Variants in RIC3 observed in about 807,000 individuals in gnomAD.
The protein encoded by RIC3 is RIC3 acetylcholine receptor chaperone.
RIC3 carries 28 observed loss-of-function variants against 27.3 expected under a neutral mutation model. The ratio of observed to expected loss-of-function variants is 1.02; its 90% CI spans 0.76 to 1.41. The LOEUF is 1.41. RIC3 is among the 40% of genes most tolerant of loss of function. RIC3 has a pLI of 0.00. For missense variants in RIC3, 501 were observed against 444.7 expected (o/e 1.13, Z -1.14); for synonymous variants, 184 against 160.4 (o/e 1.15, Z -1.11).
intron 1 of RIC3, among the ~76,000 whole-genome samples, chr11:8,165,793 T>G (rs867163734): frequency 0.028 from 4,224 of 150,224 alleles, 217 homozygotes; most frequent in African/African-American, 0.097. Context: ...TTTTGTTTTT[T>G]TTTTTGGCAG....
chr11:8,145,686 A>AC (rs930230030), intron 1 of RIC3, among the ~76,000 whole-genome samples: 6 of 149,304 alleles, frequency 4.0e-5, no homozygotes, highest in African/African-American at 1.5e-4. Context: ...ATTTTCTTGC[A>AC]TTTTTTTTTT....
At chr11:8,139,925 A>G in intron 2 of RIC3, 42 bp downstream of exon 2, 2 of 1,520,816 alleles carry the variant, frequency 1.3e-6, no homozygotes, top group Non-Finnish European at 1.8e-6. Context: ...TTGCCATATT[A>G]GATTTTCATT....
intron 1 of RIC3, among the ~76,000 whole-genome samples, chr11:8,146,552 T>A (rs1251195898): frequency 6.6e-6 from 1 of 152,196 alleles, no homozygotes; most frequent in Non-Finnish European, 1.5e-5. Context: ...TTTCAAGAGA[T>A]TTATTCTGAG....
At chr11:8,167,060 TC>T (rs1455513513) in intron 1 of RIC3, among the ~76,000 whole-genome samples, 13 of 152,210 alleles carry the variant, frequency 8.5e-5, no homozygotes, top group Non-Finnish European at 2.9e-5. Context: ...AATGTACCAT[TC>T]AAGGTAAGTT....
intron 4 of RIC3, among the ~76,000 whole-genome samples, chr11:8,130,257 T>TA (rs1947526459): frequency 6.6e-6 from 1 of 151,354 alleles, no homozygotes; most frequent in African/African-American, 2.4e-5. Context: ...GATTCAGGGA[T>TA]AGATATAGGA....
downstream of RIC3, chr11:8,101,450 G>A (rs1267341027): frequency 6.2e-7 from 1 of 1,606,750 alleles, no homozygotes; most frequent in East Asian, 2.3e-5. Flanking sequence ...TTCCTGTCCT[G>A]TCCTTTTCTC....
chr11:8,156,319 G>A (rs895784673), intron 1 of RIC3, among the ~76,000 whole-genome samples: 5 of 152,172 alleles, frequency 3.3e-5, no homozygotes, highest in African/African-American at 4.8e-5. Context: ...GTCAGTTACT[G>A]GTTAAGATTA....
chr11:8,093,838 C>T, the RIC3 span, among the ~76,000 whole-genome samples: 2 of 152,130 alleles, frequency 1.3e-5, no homozygotes, highest in Non-Finnish European at 1.5e-5. Context: ...CTGGGGGTGC[C>T]GCCTCCTTCC....
chr11:8,130,546 A>C (rs1416036351), intron 4 of RIC3, among the ~76,000 whole-genome samples: 1 of 152,184 alleles, frequency 6.6e-6, no homozygotes, highest in Non-Finnish European at 1.5e-5. Context: ...GCAACCAAGG[A>C]ACCCTGATAA....
rs1020609948 is a variant in RIC3 at position 8,129,159 on chromosome 11, G to C, written c.522-2352C>G. 4.0e-5 allele frequency among the ~76,000 whole-genome samples: 6 copies of C among 151,678 alleles called. 1 individual carries two copies. The highest frequency in any genetic ancestry group is 1.5e-4 in the African/African-American group (6 of 41,320). ...CTATACCATAGACCATCCTCTGCTT[G>C]AAACCTCCTCCTCCCTTAGCTATTG... On this transcript the variant is annotated intron_variant, in intron 4 of 5. Coordinates refer to ENST00000309737, the MANE Select transcript of RIC3 (RefSeq NM_001206671.4).
intron 4 of RIC3, chr11:8,135,714 G>T (rs1242917686): frequency 6.6e-6 from 1 of 152,208 alleles, no homozygotes; most frequent in Non-Finnish European, 1.5e-5. Context: ...TTGTAAGTTG[G>T]ATTCCTGGTT....
chr11:8,158,427 A>G (rs1950870098), intron 1 of RIC3, among the ~76,000 whole-genome samples: 1 of 151,828 alleles, frequency 6.6e-6, no homozygotes, highest in African/African-American at 2.4e-5. Flanking sequence ...AGTAGATAGG[A>G]CTCTCTTGAA....
chr11:8,108,240 T>G lies in RIC3; in HGVS notation c.*2458A>C, dbSNP rs1944887358. On this transcript the variant is annotated 3_prime_UTR_variant, in exon 6 of 6. Transcript: ENST00000309737. The stretch of plus-strand genomic sequence containing the variant: ...ACCAAAATACTTGAACATCCATGTA[T>G]TTTCACACCCTACTGCTTTTTTCAA... 1 of 152,176 alleles carries G rather than the reference T, an allele frequency of 6.6e-6. No homozygotes were observed. The highest frequency in any genetic ancestry group is 1.5e-5 in the Non-Finnish European group (1 of 68,040). 9.4% of individuals were successfully genotyped at this position (152,176 alleles called of 1,614,324 possible). A position where few individuals can be genotyped will look rare whatever the true frequency, so the allele number is the denominator to read the frequency against.
chr11:8,163,057 ACACACACACACC>A (rs1180475286), intron 1 of RIC3, among the ~76,000 whole-genome samples: 38 of 151,446 alleles, frequency 2.5e-4, no homozygotes, highest in African/African-American at 7.5e-4. Flanking sequence ...ACACATACAC[ACACACACACACC>A]CCCCAAAACA....
intron 4 of RIC3, among the ~76,000 whole-genome samples, chr11:8,133,202 A>G (rs1947945419): frequency 6.6e-6 from 1 of 152,138 alleles, no homozygotes; most frequent in South Asian, 2.1e-4. Context: ...TTTCCACCAT[A>G]TGATGATGCA....
At chr11:8,149,848 T>C (rs1007062100) in intron 1 of RIC3, among the ~76,000 whole-genome samples, 1 of 152,114 alleles carries the variant, frequency 6.6e-6, no homozygotes, top group African/African-American at 2.4e-5. Context: ...TTCAAAAAAA[T>C]CCACCACTGC....
chr11:8,102,054 C>G (rs1322195351), downstream of RIC3: 1 of 182,584 alleles, frequency 5.5e-6, no homozygotes, highest in African/African-American at 2.3e-5. Flanking sequence ...GGTAGGGGCA[C>G]AGTGAATGTG....
At position 8,126,680 on chromosome 11, in the gene RIC3, G is replaced by A. The variant is rs1220695842; in HGVS notation, c.649C>T (p.Pro217Ser). ...TTACCTTCCCAGTCCTCCATGTAAGGGGCCTCCTCAGCTTCTTTCTCTGGA... is the reference window on the plus strand; with the variant it reads ...TTACCTTCCCAGTCCTCCATGTAAGAGGCCTCCTCAGCTTCTTTCTCTGGA... ...FSPEKEAEEA[P>S]YMEDWEGYPE... Residue 217 changes from proline to serine, a missense_variant, in exon 5 of 6, where the codon CCT becomes TCT. Physicochemically the swap from Pro to Ser is moderately conservative, Grantham distance 74. Coordinates refer to ENST00000309737, the MANE Select transcript of RIC3 (RefSeq NM_001206671.4). The A allele has an allele frequency of 2.4e-5, 38 of 1,614,010 alleles. No homozygotes were observed. The highest frequency in any genetic ancestry group is 3.2e-5 in the Non-Finnish European group (38 of 1,179,962).
At chr11:8,117,079 T>G (rs1945931060) in intron 5 of RIC3, among the ~76,000 whole-genome samples, 1 of 152,122 alleles carries the variant, frequency 6.6e-6, no homozygotes, top group Admixed American at 6.5e-5. Context: ...AGCATTTTTT[T>G]GTTTTTGGAG....
Sources: gnomAD v4.1 joint callset for allele counts (sites outside exome capture counted in the v4.1 genomes callset) on GRCh38, gnomAD v4.1.1 for gene constraint, MANE v1.5 for transcripts, NCBI Gene and HGNC (gene_info 2026-07-23, HGNC 2026-07-21) for gene names.